The following CDH18 variants were observed in gnomAD, a reference collection of about 807,000 sequenced individuals.
CDH18 encodes cadherin-18.
In CDH18, 31 loss-of-function variants were observed where a neutral mutation model predicts 67.9. That is an observed-to-expected ratio of 0.46 (90% CI 0.34 to 0.62). The LOEUF (loss-of-function observed/expected upper bound fraction) is 0.62. Among genes scored for constraint, CDH18 ranks in the 20% least tolerant of loss-of-function variants. CDH18 has a pLI of 0.01. For missense variants in CDH18, 890 were observed against 975.5 expected (o/e 0.91, Z 1.17); for synonymous variants, 362 against 347.2 (o/e 1.04, Z -0.48).
chr5:20,323,102 G>A (rs1015653370), intron 1 of CDH18, among the ~76,000 whole-genome samples: 6 of 152,080 alleles, frequency 3.9e-5, no homozygotes, highest in Admixed American at 3.3e-4. Flanking sequence ...TTCACACGGT[G>A]AATGAAAAGA....
chr5:19,843,679 TCAAAAAAG>T (rs1412643398), intron 2 of CDH18, among the ~76,000 whole-genome samples: 1 of 152,142 alleles, frequency 6.6e-6, no homozygotes, highest in Non-Finnish European at 1.5e-5. Context: ...GCACTGTGCA[TCAAAAAAG>T]CTAAAGACAC....
At chr5:20,422,495 G>A (rs1395365877) in intron 1 of CDH18, among the ~76,000 whole-genome samples, 2 of 150,934 alleles carry the variant, frequency 1.3e-5, no homozygotes, top group African/African-American at 4.9e-5. Flanking sequence ...AATTAATAAT[G>A]TAAGATAAAT....
At chr5:20,536,713 A>G (rs76324821) in intron 1 of CDH18, among the ~76,000 whole-genome samples, 4,397 of 152,284 alleles carry the variant, frequency 0.029, 77 homozygotes, top group Non-Finnish European at 0.04. Context: ...AGCACAGAAC[A>G]TCCACTGGTC....
At chr5:19,482,717 T>C (rs1712317620) in intron 12 of CDH18, among the ~76,000 whole-genome samples, 2 of 152,178 alleles carry the variant, frequency 1.3e-5, no homozygotes, top group Non-Finnish European at 2.9e-5. Context: ...TTAATGTTTC[T>C]GTCATCTCAC....
rs144313870 is a variant in CDH18, at chr5:19,473,644, C to T, written c.1955G>A (p.Arg652Gln). The T allele has an allele frequency of 6.8e-6, 11 of 1,613,774 alleles. No homozygotes were observed. The highest frequency in any genetic ancestry group is 2.7e-5 in the African/African-American group (2 of 74,982). The part of the protein sequence containing the change: ...EPLIISEEDV[R>Q]ENVVTYDDEG... ...ATCATCATAGGTGACCACGTTCTCC[C>T]GTACATCCTCTTCTGAAATGATCAA... is the stretch of plus-strand genomic sequence containing the variant. Residue 652 changes from arginine (R) to glutamine (Q), a missense_variant, in exon 13 of 13, where the codon CGG becomes CAG. By Grantham distance (43) the Arg-to-Gln change is conservative. Coordinates refer to ENST00000382275, the MANE Select transcript of CDH18 (RefSeq NM_004934.5).
At chr5:19,874,989 A>T (rs974833457) in intron 2 of CDH18, among the ~76,000 whole-genome samples, 4 of 152,162 alleles carry the variant, frequency 2.6e-5, no homozygotes, top group Non-Finnish European at 5.9e-5. Context: ...ATCACCCAGA[A>T]GGCCTGTTAA....
At chr5:19,617,479 A>G (rs1750025416) in intron 5 of CDH18, among the ~76,000 whole-genome samples, 1 of 152,246 alleles carries the variant, frequency 6.6e-6, no homozygotes. Flanking sequence ...CCAAAAATAC[A>G]GAGCAGCAAA....
chr5:20,146,594 A>G (rs910227449), intron 2 of CDH18, among the ~76,000 whole-genome samples: 1 of 145,992 alleles, frequency 6.8e-6, no homozygotes, highest in African/African-American at 2.5e-5. Flanking sequence ...ATGGCAAATC[A>G]TAAGTACTGA....
chr5:19,960,554 T>TGC (rs1796692554), intron 2 of CDH18, among the ~76,000 whole-genome samples: 1 of 80,194 alleles, frequency 1.2e-5, no homozygotes, highest in Non-Finnish European at 2.1e-5. Context: ...TACGTGTGTG[T>TGC]GTGTGTATGT....
At chr5:19,625,083 T>A (rs1751319055) in intron 5 of CDH18, among the ~76,000 whole-genome samples, 1 of 151,904 alleles carries the variant, frequency 6.6e-6, no homozygotes, top group African/African-American at 2.4e-5. Flanking sequence ...AATAATACCA[T>A]ATATAGCAGA....
At chr5:19,785,750 A>G (rs1426641140) in intron 3 of CDH18, among the ~76,000 whole-genome samples, 2 of 131,574 alleles carry the variant, frequency 1.5e-5, no homozygotes, top group Non-Finnish European at 3.2e-5. Context: ...AATGCAGAAT[A>G]AAATAGGTAG....
At chr5:20,408,293 C>T (rs1023503890) in intron 1 of CDH18, among the ~76,000 whole-genome samples, 1 of 151,882 alleles carries the variant, frequency 6.6e-6, no homozygotes, top group Non-Finnish European at 1.5e-5. Flanking sequence ...AAAAGTATGC[C>T]AAAGAGCAGC....
chr5:19,899,174 T>C (rs1422180105), intron 2 of CDH18, among the ~76,000 whole-genome samples: 1 of 152,016 alleles, frequency 6.6e-6, no homozygotes, highest in East Asian at 1.9e-4. Context: ...CCAAGGCAGG[T>C]GGATCACCTG....
intron 10 of CDH18, among the ~76,000 whole-genome samples, chr5:19,503,933 C>T (rs990771896): frequency 4.6e-5 from 7 of 151,616 alleles, no homozygotes; most frequent in South Asian, 2.1e-4. Flanking sequence ...CTTAGAAAAA[C>T]GAGAAACAAA....
At chr5:20,195,316 T>A (rs1294175877) in intron 2 of CDH18, among the ~76,000 whole-genome samples, 2 of 152,052 alleles carry the variant, frequency 1.3e-5, no homozygotes, top group Non-Finnish European at 2.9e-5. Context: ...ATTCATATTA[T>A]CCATATTTAT....
At chr5:19,623,772 C>T (rs976526777) in intron 5 of CDH18, among the ~76,000 whole-genome samples, 10 of 151,142 alleles carry the variant, frequency 6.6e-5, no homozygotes, top group African/African-American at 2.4e-4. Context: ...TATTAAAACA[C>T]TACTATATAA....
chr5:19,875,466 GGATA>G (rs1206291965), intron 2 of CDH18, among the ~76,000 whole-genome samples: 5 of 150,962 alleles, frequency 3.3e-5, no homozygotes, highest in South Asian at 2.1e-4. Context: ...ATAGATAGAT[GGATA>G]GATAGATATA....
intron 1 of CDH18, among the ~76,000 whole-genome samples, chr5:20,551,289 C>T (rs930963583): frequency 6.6e-6 from 1 of 152,072 alleles, no homozygotes; most frequent in Non-Finnish European, 1.5e-5. Context: ...AGGACGCTTG[C>T]TCACAGGTGA....
intron 2 of CDH18, among the ~76,000 whole-genome samples, chr5:19,852,910 T>C (rs1424473448): frequency 6.7e-6 from 1 of 149,102 alleles, no homozygotes; most frequent in Non-Finnish European, 1.5e-5. Context: ...TAAATGGAAT[T>C]ATCCCAGAAA....
Sources: allele counts gnomAD v4.1 joint callset (sites outside exome capture counted in the v4.1 genomes callset), GRCh38; gene constraint gnomAD v4.1.1; transcripts MANE v1.5; gene names NCBI Gene and HGNC (gene_info 2026-07-23, HGNC 2026-07-21).